Variants in NLGN1 observed in about 807,000 individuals in gnomAD.
NLGN1 encodes neuroligin-1.
Under a neutral mutation model 65.5 loss-of-function variants are expected in NLGN1, and 12 were observed. The ratio of observed to expected loss-of-function variants is 0.18; its 90% CI spans 0.12 to 0.30. The LOEUF is 0.30. NLGN1 is among the 10% of genes least tolerant of loss of function. The pLI, the probability that NLGN1 is intolerant of heterozygous loss-of-function variation, is 1.00. For missense variants in NLGN1, 750 were observed against 1,007.1 expected (o/e 0.74, Z 3.46); for synonymous variants, 350 against 359.5 (o/e 0.97, Z 0.30).
intron 4 of NLGN1, among the ~76,000 whole-genome samples, chr3:173,903,053 G>A (rs566761869): frequency 2.0e-5 from 3 of 152,230 alleles, no homozygotes; most frequent in African/African-American, 4.8e-5. Flanking sequence ...CAGATGAATA[G>A]CACTGTAAAG....
intron 2 of NLGN1, among the ~76,000 whole-genome samples, chr3:173,593,641 G>A (rs764062824): frequency 2.6e-5 from 4 of 152,146 alleles, no homozygotes; most frequent in Non-Finnish European, 5.9e-5. Context: ...TGATGGGGAA[G>A]GCATTCTCCA....
intron 4 of NLGN1, among the ~76,000 whole-genome samples, chr3:174,182,767 G>GC (rs1730691971): frequency 6.6e-6 from 1 of 152,110 alleles, no homozygotes; most frequent in African/African-American, 2.4e-5. Context: ...GAAAATGCAA[G>GC]CCCATTCCCT....
exon 6 of NLGN1, chr3:174,278,962 G>C (rs1241004301): frequency 7.8e-6 from 12 of 1,547,170 alleles, no homozygotes; most frequent in Non-Finnish European, 1.0e-5. Context: ...CACAAAAGTT[G>C]GTTGCAATGT....
chr3:173,817,802 T>TA (rs1182869487), intron 4 of NLGN1, among the ~76,000 whole-genome samples: 2 of 152,168 alleles, frequency 1.3e-5, no homozygotes, highest in African/African-American at 4.8e-5. Context: ...TGAGTTGTCC[T>TA]AAAAAGGATA....
At chr3:173,914,415 G>A (rs9846617) in intron 4 of NLGN1, among the ~76,000 whole-genome samples, 3,100 of 152,102 alleles carry the variant, frequency 0.02, 51 homozygotes, top group African/African-American at 0.04. Context: ...TGTGAAGCAT[G>A]GAGGCTACTT....
At chr3:173,469,745 T>A (rs1725013881) in intron 2 of NLGN1, among the ~76,000 whole-genome samples, 1 of 151,938 alleles carries the variant, frequency 6.6e-6, no homozygotes, top group Non-Finnish European at 1.5e-5. Flanking sequence ...TCAAGCAATC[T>A]ATCCTTATTT....
chr3:174,150,112 A>C (rs1479782874), intron 4 of NLGN1, among the ~76,000 whole-genome samples: 1 of 152,170 alleles, frequency 6.6e-6, no homozygotes, highest in Non-Finnish European at 1.5e-5. Context: ...CCACTGTAGA[A>C]GTTGCCATTG....
At chr3:173,555,455 C>T (rs1208058204) in intron 2 of NLGN1, among the ~76,000 whole-genome samples, 1 of 151,982 alleles carries the variant, frequency 6.6e-6, no homozygotes, top group African/African-American at 2.4e-5. Context: ...CTTACATGTT[C>T]CTTCTCAACC....
chr3:173,723,626 C>G (rs1176755087), intron 3 of NLGN1, among the ~76,000 whole-genome samples: 3 of 152,066 alleles, frequency 2.0e-5, no homozygotes, highest in Admixed American at 2.0e-4. Context: ...CCACCTGGTT[C>G]ACGGTGAATA....
At chr3:173,679,126 G>GA (rs11316391) in intron 3 of NLGN1, among the ~76,000 whole-genome samples, 7,613 of 137,152 alleles carry the variant, frequency 0.056, 463 homozygotes, top group African/African-American at 0.14. Flanking sequence ...GCCCCGATGT[G>GA]AAAAAAAAAA....
chr3:174,151,830 T>C (rs770948323), intron 4 of NLGN1, among the ~76,000 whole-genome samples: 11 of 152,174 alleles, frequency 7.2e-5, no homozygotes, highest in Non-Finnish European at 1.3e-4. Flanking sequence ...GTTCCTCTTT[T>C]GCTCTTCGAC....
At chr3:173,705,011 T>C (rs1346475276) in intron 3 of NLGN1, among the ~76,000 whole-genome samples, 1 of 152,210 alleles carries the variant, frequency 6.6e-6, no homozygotes, top group Non-Finnish European at 1.5e-5. Context: ...TTACTTTGCA[T>C]AGGCTTTTTG....
chr3:174,186,612 GAT>G (rs953281714), intron 4 of NLGN1, among the ~76,000 whole-genome samples: 6 of 151,966 alleles, frequency 3.9e-5, no homozygotes, highest in Non-Finnish European at 8.8e-5. Context: ...AGGTTTCTGT[GAT>G]ATCTCCCTTA....
intron 4 of NLGN1, among the ~76,000 whole-genome samples, chr3:173,937,114 C>A (rs1297122277): frequency 1.3e-5 from 2 of 151,960 alleles, no homozygotes; most frequent in African/African-American, 4.8e-5. Context: ...ACTATAGGTC[C>A]CAGAGCATTC....
intron 4 of NLGN1, among the ~76,000 whole-genome samples, chr3:174,024,016 A>G (rs2152461368): frequency 6.6e-6 from 1 of 152,252 alleles, no homozygotes; most frequent in Non-Finnish European, 1.5e-5. Context: ...GGTGCAAGTA[A>G]GTACATGTGG....
chr3:173,837,176 A>G (rs1012324673), intron 4 of NLGN1, among the ~76,000 whole-genome samples: 1 of 152,192 alleles, frequency 6.6e-6, no homozygotes, highest in African/African-American at 2.4e-5. Flanking sequence ...GAGAAGAAAC[A>G]GGAAATTAAG....
chr3:173,440,076 G>C (rs1718895279), intron 2 of NLGN1, among the ~76,000 whole-genome samples: 1 of 152,110 alleles, frequency 6.6e-6, no homozygotes, highest in African/African-American at 2.4e-5. Context: ...TAAATCCTTT[G>C]TTATCATTTC....
upstream of NLGN1, chr3:173,397,902 A>G: frequency 6.6e-6 from 1 of 152,292 alleles, no homozygotes; most frequent in Non-Finnish European, 1.5e-5. Context: ...GAGAGACCGG[A>G]GAGAAGGGAG....
At chr3:174,287,228 G>C (rs1752232860), downstream of NLGN1, among the ~76,000 whole-genome samples, 1 of 151,320 alleles carries the variant, frequency 6.6e-6, no homozygotes, top group Non-Finnish European at 1.5e-5. Context: ...TAATGATATT[G>C]GTAGGAAGAC....
Sources: allele counts gnomAD v4.1 joint callset (sites outside exome capture counted in the v4.1 genomes callset), GRCh38; gene constraint gnomAD v4.1.1; transcripts MANE v1.5; gene names NCBI Gene and HGNC (gene_info 2026-07-23, HGNC 2026-07-21).